CEP85L: variants seen among roughly 807,000 people sequenced by gnomAD.
CEP85L encodes centrosomal protein 85L.
In CEP85L, 60 loss-of-function variants were observed where a neutral mutation model predicts 100.3. The ratio of observed to expected loss-of-function variants is 0.60; its 90% CI spans 0.49 to 0.74. CEP85L has a LOEUF of 0.74. Ranked by LOEUF, CEP85L falls within the 30% of genes least tolerant of loss-of-function variation. CEP85L has a pLI of 0.00. For missense variants in CEP85L, 973 were observed against 936.2 expected, an observed-to-expected ratio of 1.04 and a Z score of -0.51; for synonymous variants, 319 against 322.7, an observed-to-expected ratio of 0.99 and a Z score of 0.12.
intron 2 of CEP85L, among the ~76,000 whole-genome samples, chr6:118,619,433 C>T (rs892821950): frequency 2.0e-5 from 3 of 152,140 alleles, no homozygotes; most frequent in Non-Finnish European, 4.4e-5. Context: ...CGTGACAATA[C>T]TGCTCTATGC....
intron 1 of CEP85L, among the ~76,000 whole-genome samples, chr6:118,638,913 T>G (rs7757407): frequency 0.67 from 102,199 of 151,898 alleles, 35,107 homozygotes; most frequent in Middle Eastern, 0.74. Context: ...AGCATTTGAA[T>G]ATATATGTAA....
intron 1 of CEP85L, among the ~76,000 whole-genome samples, chr6:118,675,897 C>T (rs995073897): frequency 3.3e-5 from 5 of 151,706 alleles, no homozygotes; most frequent in Admixed American, 6.6e-5. Context: ...TAATGGAAGA[C>T]GATGATGGAT....
intron 1 of CEP85L, among the ~76,000 whole-genome samples, chr6:118,708,617 C>T (rs1428071162): frequency 6.6e-6 from 1 of 152,098 alleles, no homozygotes; most frequent in Non-Finnish European, 1.5e-5. Flanking sequence ...TCTCGTATAC[C>T]TGGCACAGAA....
chr6:118,580,255 T>C (rs1780493843), intron 2 of CEP85L, among the ~76,000 whole-genome samples: 1 of 152,206 alleles, frequency 6.6e-6, no homozygotes. Context: ...ACTCCACGTA[T>C]ATCCATGTCG....
rs986377189 is a variant in CEP85L at position 118,461,260 on chromosome 6, T to C, written c.*4145A>G. 1 of 152,132 alleles carries C rather than the reference T, an allele frequency of 6.6e-6. No homozygotes were observed. The highest frequency in any genetic ancestry group is 1.5e-5 in the Non-Finnish European group (1 of 67,994). 9.4% of individuals were successfully genotyped at this position (152,132 alleles called of 1,614,324 possible). A position where few individuals can be genotyped will look rare whatever the true frequency, so the allele number is the denominator to read the frequency against. On this transcript the variant is annotated 3_prime_UTR_variant, in exon 13 of 13. Transcript: ENST00000368491. ...ATGTATTTAACTATTTATACATATA[T>C]GTACATATACATACACACCAATGAA...
intron 2 of CEP85L, among the ~76,000 whole-genome samples, chr6:118,579,080 G>A (rs1480286575): frequency 6.6e-6 from 1 of 152,112 alleles, no homozygotes; most frequent in Non-Finnish European, 1.5e-5. Context: ...ATTTATTGTA[G>A]AGACATTGTT....
In CEP85L at chr6:118,491,747, T is replaced by C. The variant is rs980315597; in HGVS notation, c.1376A>G (p.Asn459Ser). ...ASTEKEVLQL[N>S]EFLKQRLSLF... ...GCTTAGTCTTTGTTTGAGAAACTCA[T>C]TAAGCTGTAAAACTTCTTTCTCAGT... is the stretch of plus-strand genomic sequence containing the variant. Residue 459 changes from asparagine to serine, a missense_variant, in exon 6 of 13, where the codon AAT (asparagine) becomes AGT (serine). Coordinates refer to ENST00000368491, the MANE Select transcript of CEP85L (RefSeq NM_001042475.3). 1 of 1,613,372 alleles carries C rather than the reference T, an allele frequency of 6.2e-7. No individual in the cohort carries two copies. Among genetic ancestry groups the C allele is most frequent in the East Asian group, 2.2e-5 (1 of 44,816 alleles).
chr6:118,503,886 T>C (rs1290776681), intron 5 of CEP85L, among the ~76,000 whole-genome samples: 2 of 150,110 alleles, frequency 1.3e-5, no homozygotes, highest in Non-Finnish European at 3.0e-5. Flanking sequence ...GCAATGACTT[T>C]TTAGATATAA....
rs34976343 is a variant in CEP85L, at chr6:118,592,329, CTTTTTTTT to C, written c.233-26021_233-26014del. Among the ~76,000 whole-genome samples the C allele has an allele frequency of 1.2e-4, 14 of 121,666 alleles. No homozygotes were observed. In the Admixed American group the frequency reaches 1.2e-3, roughly 10 times the overall value. The allele number at this position is 121,666 out of a possible 152,430, so 79.8% of individuals were successfully genotyped here. A position where few individuals can be genotyped will look rare whatever the true frequency, so the allele number is the denominator to read the frequency against. On this transcript the variant is annotated intron_variant, in intron 2 of 12. Transcript: ENST00000368491. ...CTGAATACATTAACATCCTCTAGGT[CTTTTTTTT>C]TTTTTTTTTTTGATCAGTAAAAAGG...
At chr6:118,705,258 C>T (rs1364865636) in intron 1 of CEP85L, among the ~76,000 whole-genome samples, 1 of 152,178 alleles carries the variant, frequency 6.6e-6, no homozygotes, top group Admixed American at 6.5e-5. Flanking sequence ...GATGCATACC[C>T]TCTCATATCC....
intron 1 of CEP85L, among the ~76,000 whole-genome samples, chr6:118,659,110 A>G (rs1380915819): frequency 6.6e-6 from 1 of 152,208 alleles, no homozygotes; most frequent in Non-Finnish European, 1.5e-5. Context: ...AATTGACACT[A>G]GTTTTTTAAT....
At chr6:118,690,819 T>G (rs794856) in intron 1 of CEP85L, among the ~76,000 whole-genome samples, 13,811 of 151,436 alleles carry the variant, frequency 0.091, 1,200 homozygotes, top group African/African-American at 0.22. Context: ...GGCAACATAT[T>G]GAGACCTCAT....
chr6:118,572,215 T>C (rs1779933620), intron 2 of CEP85L, among the ~76,000 whole-genome samples: 1 of 140,012 alleles, frequency 7.1e-6, no homozygotes, highest in African/African-American at 2.7e-5. Flanking sequence ...AACGCCATGA[T>C]CATATCATGT....
chr6:118,469,192 T>C lies in CEP85L; in HGVS notation c.2134A>G (p.Ile712Val). Residue 712 changes from isoleucine to valine, a missense_variant, in exon 12 of 13, where the codon ATT (isoleucine) becomes GTT (valine). Transcript: ENST00000368491. ...GACATTTCCTTGAACAGCTGATCAA[T>C]CACAGTCAAATCAAATAGTGGCCGT... Reference protein sequence around the residue: ...SKRPLFDLTVIDQLFKEMSCC... With the variant: ...SKRPLFDLTVVDQLFKEMSCC... 1 of 1,614,084 alleles carries C rather than the reference T, an allele frequency of 6.2e-7. No individual in the cohort carries two copies. The highest frequency in any genetic ancestry group is 8.5e-7 in the Non-Finnish European group (1 of 1,179,930).
intron 3 of CEP85L, among the ~76,000 whole-genome samples, chr6:118,532,692 G>C (rs13437148): frequency 0.029 from 4,407 of 152,182 alleles, 109 homozygotes; most frequent in African/African-American, 0.056. Context: ...TGGGGGAAAA[G>C]TAAGTCTACT....
At chr6:118,615,895 G>C (rs974089026) in intron 2 of CEP85L, among the ~76,000 whole-genome samples, 3 of 152,156 alleles carry the variant, frequency 2.0e-5, no homozygotes, top group African/African-American at 7.2e-5. Flanking sequence ...TTTGGGTCTG[G>C]TGTCTCCTGG....
At chr6:118,483,191 G>A (rs1162056922) in intron 7 of CEP85L, among the ~76,000 whole-genome samples, 1 of 151,790 alleles carries the variant, frequency 6.6e-6, no homozygotes, top group Non-Finnish European at 1.5e-5. Flanking sequence ...CAAGAGAGTG[G>A]CCCTCACCTC....
intron 5 of CEP85L, among the ~76,000 whole-genome samples, chr6:118,503,460 C>G (rs899530598): frequency 6.6e-6 from 1 of 151,988 alleles, no homozygotes; most frequent in African/African-American, 2.4e-5. Context: ...TATGAAGAGG[C>G]AAAAGACCCA....
chr6:118,609,518 A>G (rs987949072), intron 2 of CEP85L, among the ~76,000 whole-genome samples: 15 of 152,124 alleles, frequency 9.9e-5, no homozygotes, highest in African/African-American at 3.4e-4. Flanking sequence ...TTTCTTTTTC[A>G]CTTACACCTA....
Sources: allele counts gnomAD v4.1 joint callset (sites outside exome capture counted in the v4.1 genomes callset), GRCh38; gene constraint gnomAD v4.1.1; transcripts MANE v1.5; gene names NCBI Gene and HGNC (gene_info 2026-07-23, HGNC 2026-07-21).